The following FAM83D variants were observed in gnomAD, a reference collection of about 807,000 sequenced individuals.
FAM83D encodes the protein scaffolding CK1 anchoring protein D.
FAM83D carries 26 observed loss-of-function variants against 25.4 expected under a neutral mutation model. The ratio of observed to expected loss-of-function variants is 1.02; its 90% CI spans 0.75 to 1.42. The LOEUF is 1.42. FAM83D is among the 40% of genes most tolerant of loss of function. The pLI, the probability that FAM83D is intolerant of heterozygous loss-of-function variation, is 0.00. For missense variants in FAM83D, 740 were observed against 758.1 expected, an observed-to-expected ratio of 0.98 and a Z score of 0.28; for synonymous variants, 310 against 318.5, an observed-to-expected ratio of 0.97 and a Z score of 0.28.
chr20:38,942,087 T>C lies in FAM83D; in HGVS notation c.612T>C (p.Asp204=), dbSNP rs2085705187. 2 of 1,614,112 alleles carry C rather than the reference T, an allele frequency of 1.2e-6. No homozygotes were observed. Among genetic ancestry groups the C allele is most frequent in the African/African-American group, 2.7e-5 (2 of 74,934 alleles). The change falls in exon 2 of 4, where the codon GAT becomes GAC. Residue 204 remains aspartate, a synonymous_variant. Coordinates refer to ENST00000619850, the MANE Select transcript of FAM83D (RefSeq NM_030919.3). The part of the protein sequence containing the change: ...LDQALLSQFL[D]MCMDLKVHPE... ...AGGCTCTCCTCTCTCAATTTCTGGATATGTGCATGGATCTGAAAGTTCATC... is the reference window on the plus strand; with the variant it reads ...AGGCTCTCCTCTCTCAATTTCTGGACATGTGCATGGATCTGAAAGTTCATC...
intron 2 of FAM83D, 81 bp downstream of exon 2, chr20:38,942,207 G>A (rs1282952286): frequency 1.2e-5 from 17 of 1,476,566 alleles, no homozygotes; most frequent in African/African-American, 4.2e-5. Context: ...GGCTGGTGGC[G>A]GTATCCCTGT....
intron 1 of FAM83D, among the ~76,000 whole-genome samples, chr20:38,940,034 T>C (rs6028212): frequency 1.8e-4 from 28 of 152,298 alleles, no homozygotes; most frequent in African/African-American, 6.7e-4. Context: ...ATTCCTGTTG[T>C]ATGACCCGAA....
At chr20:38,943,123 C>G (rs561472305) in intron 2 of FAM83D, among the ~76,000 whole-genome samples, 1 of 151,600 alleles carries the variant, frequency 6.6e-6, no homozygotes, top group African/African-American at 2.4e-5. Context: ...CTCCCAGGTT[C>G]AAGAGATTAT....
chr20:38,939,733 T>C (rs1472280137), intron 1 of FAM83D, among the ~76,000 whole-genome samples: 2 of 152,202 alleles, frequency 1.3e-5, no homozygotes, highest in African/African-American at 4.8e-5. Context: ...GTTGGGTCTA[T>C]GTCAAATTCC....
At chr20:38,931,279 G>C (rs541917303) in intron 1 of FAM83D, among the ~76,000 whole-genome samples, 2 of 152,384 alleles carry the variant, frequency 1.3e-5, no homozygotes, top group African/African-American at 4.8e-5. Flanking sequence ...AGTTTTTAGA[G>C]TAGGAGGCAT....
rs149955259 is a variant in FAM83D at position 38,952,814 on chromosome 20, T to C, written c.*294T>C. 2.5e-3 allele frequency: 1,027 copies of C among 403,338 alleles called. 8 individuals carry two copies. The highest frequency in any genetic ancestry group is 0.019 in the African/African-American group (955 of 49,508). 25.0% of individuals were successfully genotyped at this position (403,338 alleles called of 1,614,324 possible). A position where few individuals can be genotyped will look rare whatever the true frequency, so the allele number is the denominator to read the frequency against. On this transcript the variant is annotated 3_prime_UTR_variant, in exon 4 of 4. Transcript: ENST00000619850. ...TGGTCAATGACAGACCACGTATATG[T>C]TGGCAGTCTCATAAGATTATAATAC... is the stretch of plus-strand genomic sequence containing the variant.
chr20:38,936,907 C>T (rs1009347653), intron 1 of FAM83D, among the ~76,000 whole-genome samples: 8 of 152,280 alleles, frequency 5.3e-5, no homozygotes, highest in Middle Eastern at 6.8e-3. Context: ...GCCATCATGA[C>T]GTCTGCTGTT....
chr20:38,928,155 C>T (rs1182822005), intron 1 of FAM83D, among the ~76,000 whole-genome samples: 3 of 152,226 alleles, frequency 2.0e-5, no homozygotes, highest in East Asian at 3.9e-4. Context: ...CAGTGCCCAG[C>T]TCCCTGGCTA....
chr20:38,941,997 C>T lies in FAM83D; in HGVS notation c.522C>T (p.Asp174=). The change falls in exon 2 of 4, where the codon GAC becomes GAT. Residue 174 remains aspartate (D), a synonymous_variant. Transcript: ENST00000619850. ...AVVMDVFTDI[D]IFRDLQEICR... Reference sequence around the variant, plus strand: ...TCATGGACGTGTTCACAGACATCGACATCTTCAGAGACCTGCAAGAAATAT... The same window carrying T: ...TCATGGACGTGTTCACAGACATCGATATCTTCAGAGACCTGCAAGAAATAT... 6.2e-7 allele frequency: 1 copy of T among 1,614,222 alleles called. No individual in the cohort carries two copies. The highest frequency in any genetic ancestry group is 8.5e-7 in the Non-Finnish European group (1 of 1,180,042).
Position 38,952,551 on chromosome 20 carries a change from C to A in FAM83D, c.*31C>A. ...CCGTGTTCAGACTCCTGGTTTCTTCCAGGCTTACAGTGGACATCATCAGCT... is the reference window on the plus strand; with the variant it reads ...CCGTGTTCAGACTCCTGGTTTCTTCAAGGCTTACAGTGGACATCATCAGCT... On this transcript the variant is annotated 3_prime_UTR_variant, in exon 4 of 4. Transcript: ENST00000619850. The A allele has an allele frequency of 6.3e-7, 1 of 1,584,076 alleles. No homozygotes were observed. The highest frequency in any genetic ancestry group is 8.6e-7 in the Non-Finnish European group (1 of 1,163,742).
rs1435845192 is a variant in FAM83D, at chr20:38,940,641, A to T, written c.484-1318A>T. ...AGAGCCCCCAAGCCTCGGCTTCCTT[A>T]GTTAACACCCCCAACTTCTGACTCA... On this transcript the variant is annotated intron_variant, in intron 1 of 3. Coordinates refer to ENST00000619850, the MANE Select transcript of FAM83D (RefSeq NM_030919.3). Among the ~76,000 whole-genome samples, 11 of 152,304 alleles carry T rather than the reference A, an allele frequency of 7.2e-5. No homozygotes were observed. In the East Asian group the frequency reaches 2.1e-3, roughly 29 times the overall value.
intron 1 of FAM83D, among the ~76,000 whole-genome samples, chr20:38,940,501 A>C (rs571629312): frequency 2.6e-4 from 40 of 152,338 alleles, no homozygotes; most frequent in Non-Finnish European, 4.6e-4. Flanking sequence ...AAGGAGTGAA[A>C]CCCATAAATG....
At chr20:38,929,393 A>T (rs1601329401) in intron 1 of FAM83D, among the ~76,000 whole-genome samples, 1 of 152,052 alleles carries the variant, frequency 6.6e-6, no homozygotes, top group Admixed American at 6.6e-5. Context: ...CTAAAGAAAG[A>T]AAGTCTCCGG....
intron 1 of FAM83D, among the ~76,000 whole-genome samples, chr20:38,938,434 C>A (rs558449528): frequency 6.6e-6 from 1 of 152,322 alleles, no homozygotes; most frequent in South Asian, 2.1e-4. Context: ...ACACTAGATC[C>A]TCAGTGCTCA....
At chr20:38,936,451 A>T (rs577222600) in intron 1 of FAM83D, among the ~76,000 whole-genome samples, 4 of 152,132 alleles carry the variant, frequency 2.6e-5, no homozygotes, top group African/African-American at 9.6e-5. Flanking sequence ...GGCTTTCCAT[A>T]TGCCAGGAAC....
In FAM83D at chr20:38,952,790, G is replaced by A; in HGVS notation, c.*270G>A. On this transcript the variant is annotated 3_prime_UTR_variant, in exon 4 of 4. Transcript: ENST00000619850. ...GTCATGCACTACATAATGATGTTTT[G>A]GTCAATGACAGACCACGTATATGTT... 2.2e-6 allele frequency: 1 copy of A among 463,218 alleles called. No homozygotes were observed. The highest frequency in any genetic ancestry group is 3.0e-5 in the South Asian group (1 of 33,240). 28.7% of individuals were successfully genotyped at this position (463,218 alleles called of 1,614,324 possible).
intron 1 of FAM83D, among the ~76,000 whole-genome samples, chr20:38,940,452 A>C (rs2085696907): frequency 6.6e-6 from 1 of 152,214 alleles, no homozygotes; most frequent in Admixed American, 6.5e-5. Context: ...GGGACCACAG[A>C]AATGACTCAA....
Position 38,926,773 on chromosome 20 carries a change from CCG to C in FAM83D, c.333_334del (p.Leu112ValfsTer102). On this transcript the variant is annotated frameshift_variant, in exon 1 of 4. Transcript: ENST00000619850. LOFTEE classifies it high-confidence loss of function. ...CCCCGAGCAGTCGGACCTGGAGCCACCGCTGTTGGAGCTTGGCTGGCCCGCCT... is the reference window on the plus strand; with the variant it reads ...CCCCGAGCAGTCGGACCTGGAGCCACCTGTTGGAGCTTGGCTGGCCCGCCT... ...YFPEQSDLEP[P>X]LLELGWPAFY... is the part of the protein sequence containing the mutation. 1 of 1,547,860 alleles carries C rather than the reference CCG, an allele frequency of 6.5e-7. No individual in the cohort carries two copies. The highest frequency in any genetic ancestry group is 8.7e-7 in the Non-Finnish European group (1 of 1,152,916).
chr20:38,926,468 A>G lies in FAM83D; in HGVS notation c.26A>G (p.Asp9Gly), dbSNP rs777529947. 8.0e-5 allele frequency: 128 copies of G among 1,597,594 alleles called. No individual in the cohort carries two copies. The highest frequency in any genetic ancestry group is 1.7e-4 in the Admixed American group (10 of 59,830). ...ATGGCTCTGCTGTCCGAGGGCCTGG[A>G]CGAGGTGCCCGCCGCCTGCCTGTCG... MALLSEGL[D>G]EVPAACLSPC... The change falls in exon 1 of 4, where the codon GAC (aspartate) becomes GGC (glycine). Residue 9 changes from aspartate (D) to glycine (G), a missense_variant. This residue lies in a region of FAM83D where 333 missense variants were observed against 298.6 expected (regional missense o/e 1.12). Coordinates refer to ENST00000619850, the MANE Select transcript of FAM83D (RefSeq NM_030919.3).
Sources: gnomAD v4.1 joint callset for allele counts (sites outside exome capture counted in the v4.1 genomes callset) on GRCh38, gnomAD v4.1.1 for gene constraint, gnomAD v4.1.1 regional missense constraint, MANE v1.5 for transcripts, NCBI Gene and HGNC (gene_info 2026-07-23, HGNC 2026-07-21) for gene names.